Variants in CTNNA2 observed in about 807,000 individuals in gnomAD.
CTNNA2 encodes the protein catenin alpha 2.
CTNNA2 carries 42 observed loss-of-function variants against 101.0 expected under a neutral mutation model. The ratio of observed to expected loss-of-function variants is 0.42; its 90% CI spans 0.32 to 0.54. The LOEUF (loss-of-function observed/expected upper bound fraction) is 0.54, where lower values mean the gene tolerates loss of function less well. CTNNA2 is among the 20% of genes least tolerant of loss of function. CTNNA2 has a pLI of 0.14. For synonymous variants in CTNNA2, 450 were observed against 456.4 expected (o/e 0.99, Z 0.18); for missense variants, 871 against 1,223.1 (o/e 0.71, Z 4.29).
intron 2 of CTNNA2, among the ~76,000 whole-genome samples, chr2:79,279,035 G>A (rs1427494040): frequency 6.6e-6 from 1 of 152,050 alleles, no homozygotes; most frequent in Non-Finnish European, 1.5e-5. Context: ...AATCAGATGT[G>A]GAGAGATGGA....
intron 1 of CTNNA2, among the ~76,000 whole-genome samples, chr2:79,585,231 C>T (rs1461221453): frequency 1.3e-5 from 2 of 151,680 alleles, no homozygotes; most frequent in African/African-American, 4.8e-5. Context: ...TTACTTTTAT[C>T]TCTTAATGTT....
intron 4 of CTNNA2, among the ~76,000 whole-genome samples, chr2:79,384,298 G>A (rs1678072383): frequency 6.6e-6 from 1 of 151,222 alleles, no homozygotes; most frequent in South Asian, 2.1e-4. Flanking sequence ...TGGTAGTCAG[G>A]AAAATTTGGT....
At chr2:80,460,967 C>T (rs1684374192) in intron 9 of CTNNA2, among the ~76,000 whole-genome samples, 1 of 152,278 alleles carries the variant, frequency 6.6e-6, no homozygotes, top group South Asian at 2.1e-4. Flanking sequence ...TTGACTCTAC[C>T]GTTCCAGGAA....
intron 7 of CTNNA2, among the ~76,000 whole-genome samples, chr2:80,008,664 T>C (rs1323800026): frequency 1.3e-5 from 2 of 152,224 alleles, no homozygotes; most frequent in Non-Finnish European, 2.9e-5. Context: ...GTTTGTATCC[T>C]AGCCCTGCCG....
At chr2:79,809,341 T>G (rs1300442823) in intron 3 of CTNNA2, among the ~76,000 whole-genome samples, 3 of 152,244 alleles carry the variant, frequency 2.0e-5, no homozygotes, top group Non-Finnish European at 4.4e-5. Flanking sequence ...TATTTCTGGT[T>G]CTAGATCCTT....
At chr2:80,264,264 T>C (rs187124839) in intron 7 of CTNNA2, among the ~76,000 whole-genome samples, 4 of 152,164 alleles carry the variant, frequency 2.6e-5, no homozygotes, top group Admixed American at 2.6e-4. Context: ...TTAACGATAT[T>C]GGAGGAGAAG....
At chr2:79,506,896 T>C (rs1187267702) in intron 5 of CTNNA2, among the ~76,000 whole-genome samples, 2 of 152,180 alleles carry the variant, frequency 1.3e-5, no homozygotes, top group Admixed American at 1.3e-4. Context: ...TTTGCCCTAA[T>C]ATACGAGTCA....
intron 4 of CTNNA2, among the ~76,000 whole-genome samples, chr2:79,458,729 T>C (rs1670849769): frequency 1.3e-5 from 2 of 152,206 alleles, no homozygotes; most frequent in Non-Finnish European, 2.9e-5. Flanking sequence ...ATTTTGGTTA[T>C]AACCTTACCC....
intron 3 of CTNNA2, among the ~76,000 whole-genome samples, chr2:79,354,379 A>G (rs1259741909): frequency 1.3e-5 from 2 of 152,096 alleles, no homozygotes; most frequent in African/African-American, 2.4e-5. Flanking sequence ...ATTTTTTAAA[A>G]TTCTTTCTTC....
intron 7 of CTNNA2, among the ~76,000 whole-genome samples, chr2:79,919,163 G>A (rs1414556502): frequency 6.6e-6 from 1 of 152,122 alleles, no homozygotes; most frequent in East Asian, 1.9e-4. Context: ...GAGAGTGTCT[G>A]GCCTTTGCTG....
chr2:79,223,916 T>G (rs1381037057), intron 2 of CTNNA2, among the ~76,000 whole-genome samples: 1 of 152,220 alleles, frequency 6.6e-6, no homozygotes, highest in Admixed American at 6.5e-5. Context: ...CAGATTTAAT[T>G]AATATTCCAA....
intron 7 of CTNNA2, among the ~76,000 whole-genome samples, chr2:80,142,913 G>A (rs1703100808): frequency 6.7e-6 from 1 of 150,230 alleles, no homozygotes; most frequent in Non-Finnish European, 1.5e-5. Context: ...AACTACCGTT[G>A]ACAATGCCTC....
chr2:80,499,010 G>A (rs1029455959), intron 9 of CTNNA2, among the ~76,000 whole-genome samples: 1 of 152,148 alleles, frequency 6.6e-6, no homozygotes, highest in Non-Finnish European at 1.5e-5. Flanking sequence ...TAAGTAACGT[G>A]ATTTCTCAAT....
At chr2:80,066,323 AC>A (rs1697985366) in intron 7 of CTNNA2, among the ~76,000 whole-genome samples, 1 of 152,196 alleles carries the variant, frequency 6.6e-6, no homozygotes, top group African/African-American at 2.4e-5. Flanking sequence ...TTAACCTCTT[AC>A]ATTTGACAAG....
At chr2:79,713,883 A>C (rs547277667) in intron 2 of CTNNA2, among the ~76,000 whole-genome samples, 1 of 152,236 alleles carries the variant, frequency 6.6e-6, no homozygotes, top group East Asian at 1.9e-4. Flanking sequence ...CAAGAATTTA[A>C]ATTCTACCTA....
At chr2:79,230,279 G>A (rs983660243) in intron 2 of CTNNA2, among the ~76,000 whole-genome samples, 3 of 152,138 alleles carry the variant, frequency 2.0e-5, no homozygotes, top group African/African-American at 7.2e-5. Flanking sequence ...CTAGGCCCAG[G>A]GTCCCAGTGT....
chr2:79,352,306 A>G (rs1558641271), intron 3 of CTNNA2, among the ~76,000 whole-genome samples: 1 of 151,974 alleles, frequency 6.6e-6, no homozygotes, highest in Non-Finnish European at 1.5e-5. Flanking sequence ...TCCTGGTTCA[A>G]TCTTGAGAGA....
At chr2:79,395,397 C>T (rs931034155) in intron 4 of CTNNA2, among the ~76,000 whole-genome samples, 1 of 152,102 alleles carries the variant, frequency 6.6e-6, no homozygotes, top group Non-Finnish European at 1.5e-5. Context: ...CACCCTCCCC[C>T]CAACCCACAA....
Position 80,188,714 on chromosome 2 carries a change from G to T in CTNNA2, c.1057-204497G>T, listed in dbSNP as rs569885898. On this transcript the variant is annotated intron_variant, in intron 7 of 18. Transcript: ENST00000402739. Reference sequence around the variant, plus strand: ...TATCCTGTTCACAGCAGCTAGGAAAGGTTCTCCACTATCAAAGACTCATGA... The same window carrying T: ...TATCCTGTTCACAGCAGCTAGGAAATGTTCTCCACTATCAAAGACTCATGA... 2.1e-4 allele frequency among the ~76,000 whole-genome samples: 32 copies of T among 152,244 alleles called. No individual in the cohort carries two copies. In the East Asian group the frequency reaches 5.6e-3, roughly 27 times the overall value.
Sources: allele counts gnomAD v4.1 joint callset (sites outside exome capture counted in the v4.1 genomes callset), GRCh38; gene constraint gnomAD v4.1.1; transcripts MANE v1.5; gene names NCBI Gene and HGNC (gene_info 2026-07-23, HGNC 2026-07-21).